The following FBN1 variants were observed in gnomAD, a reference collection of about 807,000 sequenced individuals.
FBN1 encodes fibrillin 1, also known as fibrillin-1.
In FBN1, 29 loss-of-function variants were observed where a neutral mutation model predicts 365.1. That is an observed-to-expected ratio of 0.08 (90% CI 0.06 to 0.11). The LOEUF is 0.11. Among genes scored for constraint, FBN1 ranks in the 10% least tolerant of loss-of-function variants. The pLI is 1.00. For missense variants in FBN1, 2,476 were observed against 3,703.2 expected (o/e 0.67, Z 8.60); for synonymous variants, 1,210 against 1,270.5 (o/e 0.95, Z 1.01).
At chr15:48,414,099 C>T (rs1468067601) in intron 64 of FBN1, among the ~76,000 whole-genome samples, 4 of 152,122 alleles carry the variant, frequency 2.6e-5, no homozygotes, top group Non-Finnish European at 4.4e-5. Flanking sequence ...TTTCATATCC[C>T]GGGAGCACCA....
chr15:48,445,185 TATATATATATAC>T (rs1566898338), intron 48 of FBN1, among the ~76,000 whole-genome samples, 179 bp downstream of exon 48: 2 of 139,006 alleles, frequency 1.4e-5, no homozygotes, highest in Non-Finnish European at 3.1e-5. Context: ...TATATATATG[TATATATATATAC>T]ATATATATAT....
chr15:48,436,008 G>T (rs2043069592), intron 53 of FBN1, among the ~76,000 whole-genome samples: 1 of 151,976 alleles, frequency 6.6e-6, no homozygotes, highest in Non-Finnish European at 1.5e-5. Context: ...CAAAAGTAAA[G>T]GCAAGAGGCT....
Position 48,427,689 on chromosome 15 carries a change from G to A in FBN1, c.7082C>T (p.Ser2361Leu), listed in dbSNP as rs397515844. 26 of 1,613,976 alleles carry A rather than the reference G, an allele frequency of 1.6e-5. No homozygotes were observed. Among genetic ancestry groups the A allele is most frequent in the African/African-American group, 2.7e-5 (2 of 74,920 alleles). The change falls in exon 58 of 66, where the codon TCG becomes TTG. Residue 2361 changes from serine (S) to leucine (L), a missense_variant. Transcript: ENST00000316623. ...GSSNRNPVTK[S>L]ECCCDGGRGW... ...TCTCCCTCCGTCACAGCAGCATTCC[G>A]ATTTGGTGACGGGGTTCCTGTTGCT...
At chr15:48,495,349 A>C in intron 21 of FBN1, 89 bp from the exon 22 acceptor site, 1 of 1,595,500 alleles carries the variant, frequency 6.3e-7, no homozygotes, top group Non-Finnish European at 8.6e-7. Flanking sequence ...CATTTGAAAC[A>C]AGGAATAATG....
At chr15:48,549,336 C>G (rs948527026) in intron 6 of FBN1, among the ~76,000 whole-genome samples, 2 of 152,340 alleles carry the variant, frequency 1.3e-5, no homozygotes, top group East Asian at 3.9e-4. Flanking sequence ...TTCACCTCTG[C>G]AGCTGGCTAG....
Position 48,408,946 on chromosome 15 carries a change from G to A in FBN1, c.*2044C>T, listed in dbSNP as rs561911965. On this transcript the variant is annotated 3_prime_UTR_variant, in exon 66 of 66. Coordinates refer to ENST00000316623, the MANE Select transcript of FBN1 (RefSeq NM_000138.5). ...GTTTACCATATGCTATATATTCTTC[G>A]ATAACAATTTTAATACACCTCTATC... The A allele has an allele frequency of 9.2e-5, 14 of 152,226 alleles. No homozygotes were observed. The highest frequency in any genetic ancestry group is 3.4e-4 in the African/African-American group (14 of 41,514). The allele number at this position is 152,226 out of a possible 1,614,324, so 9.4% of individuals were successfully genotyped here.
chr15:48,516,289 G>A lies in FBN1; in HGVS notation c.1221C>T (p.Gly407=). 1.2e-6 allele frequency: 2 copies of A among 1,613,582 alleles called. No individual in the cohort carries two copies. The highest frequency in any genetic ancestry group is 1.1e-5 in the South Asian group (1 of 91,062). The part of the protein sequence containing the change: ...GRPEYPPPPL[G]PIPPVLPVPP... Reference sequence around the variant, plus strand: ...GAACAGGGAGAACTGGAGGAATGGGGCCAAGGGGTGGGGGAGGATATTCTG... The same window carrying A: ...GAACAGGGAGAACTGGAGGAATGGGACCAAGGGGTGGGGGAGGATATTCTG... The change falls in exon 11 of 66, where the codon GGC becomes GGT. Residue 407 remains glycine, a synonymous_variant. Transcript: ENST00000316623.
At chr15:48,601,749 G>A (rs1381038353) in intron 4 of FBN1, among the ~76,000 whole-genome samples, 2 of 152,214 alleles carry the variant, frequency 1.3e-5, no homozygotes, top group East Asian at 1.9e-4. Flanking sequence ...GAAGGAAAGT[G>A]CAGAACCCAC....
Position 48,409,993 on chromosome 15 carries a change from T to C in FBN1, c.*997A>G, listed in dbSNP as rs2042847395. ...GCCATAAGTAAGAGACCCAGGATAA[T>C]TTAAATCCAGGAGACTTTATTTAGC... On this transcript the variant is annotated 3_prime_UTR_variant, in exon 66 of 66. Coordinates refer to ENST00000316623, the MANE Select transcript of FBN1 (RefSeq NM_000138.5). 6.6e-6 allele frequency: 1 copy of C among 152,604 alleles called. No homozygotes were observed. The highest frequency in any genetic ancestry group is 1.5e-5 in the Non-Finnish European group (1 of 68,042). 9.5% of individuals were successfully genotyped at this position (152,604 alleles called of 1,614,324 possible).
At chr15:48,607,109 T>C (rs1227948650) in intron 4 of FBN1, among the ~76,000 whole-genome samples, 1 of 152,178 alleles carries the variant, frequency 6.6e-6, no homozygotes, top group Non-Finnish European at 1.5e-5. Flanking sequence ...TATACTGTTA[T>C]AGCAGCAGAA....
rs74728811 is a variant in FBN1 at position 48,603,234 on chromosome 15, T to C, written c.347-3000A>G. Among the ~76,000 whole-genome samples, 2,524 of 152,284 alleles carry C rather than the reference T, an allele frequency of 0.017. 205 individuals are homozygous for C. In the East Asian group the frequency reaches 0.24, roughly 14 times the overall value. The stretch of plus-strand genomic sequence containing the variant: ...TTCTTTCTTTAAAAAATAAAAGCAC[T>C]CATTCAGACTTGTGAAACAAGAAGA... On this transcript the variant is annotated intron_variant, in intron 4 of 65. Coordinates refer to ENST00000316623, the MANE Select transcript of FBN1 (RefSeq NM_000138.5).
chr15:48,456,386 G>A lies in FBN1; in HGVS notation c.5422+251C>T, dbSNP rs534619157. Reference sequence around the variant, plus strand: ...AACTCAAAGCTTTTTCATATCAGCTGGGAAGTCTAATATTAACACACTGTG... The same window carrying A: ...AACTCAAAGCTTTTTCATATCAGCTAGGAAGTCTAATATTAACACACTGTG... On this transcript the variant is annotated intron_variant, in intron 44 of 65. Transcript: ENST00000316623. 4.7e-4 allele frequency among the ~76,000 whole-genome samples: 71 copies of A among 152,238 alleles called. 1 individual carries two copies. The highest frequency in any genetic ancestry group is 1.3e-3 in the African/African-American group (55 of 41,540).
intron 6 of FBN1, among the ~76,000 whole-genome samples, chr15:48,545,479 A>C (rs936178554): frequency 6.6e-6 from 1 of 152,210 alleles, no homozygotes; most frequent in Non-Finnish European, 1.5e-5. Context: ...ATAAAATATC[A>C]ATCGATTGCA....
In FBN1 at chr15:48,481,688, A is replaced by T. The variant is rs1406315227; in HGVS notation, c.3931T>A (p.Tyr1311Asn). The change falls in exon 32 of 66, where the codon TAC becomes AAC. Residue 1311 changes from tyrosine to asparagine, a missense_variant. Tyr to Asn is a moderately radical substitution (Grantham distance 143). Transcript: ENST00000316623. Reference protein sequence around the residue: ...GSFICHCDMGYSGKKGKTGCT... With the variant: ...GSFICHCDMGNSGKKGKTGCT... ...CCAGTTTTTCCTTTTTTGCCGGAGTAGCCCATATCACAGTGGCAGATAAAT... is the reference window on the plus strand; with the variant it reads ...CCAGTTTTTCCTTTTTTGCCGGAGTTGCCCATATCACAGTGGCAGATAAAT... 5 of 1,613,744 alleles carry T rather than the reference A, an allele frequency of 3.1e-6. No homozygotes were observed. Among genetic ancestry groups the T allele is most frequent in the Non-Finnish European group, 4.2e-6 (5 of 1,179,794 alleles).
At position 48,515,370 on chromosome 15, in the gene FBN1, T is replaced by G; in HGVS notation, c.1468+17A>C. 1 of 1,613,692 alleles carries G rather than the reference T, an allele frequency of 6.2e-7. No homozygotes were observed. Among genetic ancestry groups the G allele is most frequent in the Non-Finnish European group, 8.5e-7 (1 of 1,179,738 alleles). The stretch of plus-strand genomic sequence containing the variant: ...TTACAACAGACCCTTGGTGCCAACC[T>G]AGGATGGATCACGTACCAATACACT... On this transcript the variant is annotated intron_variant, in intron 12 of 65. Coordinates refer to ENST00000316623, the MANE Select transcript of FBN1 (RefSeq NM_000138.5).
At chr15:48,491,610 C>T (rs1044996374) in intron 24 of FBN1, among the ~76,000 whole-genome samples, 3 of 152,216 alleles carry the variant, frequency 2.0e-5, no homozygotes, top group Admixed American at 6.5e-5. Context: ...CTCGGCCTCC[C>T]GAAGTGCTGG....
chr15:48,585,224 A>G (rs1376081886), intron 6 of FBN1, among the ~76,000 whole-genome samples: 2 of 152,232 alleles, frequency 1.3e-5, no homozygotes, highest in African/African-American at 4.8e-5. Context: ...AGGCAACAAG[A>G]TAAGGGCTCT....
At chr15:48,574,897 TTGA>T (rs1231634696) in intron 6 of FBN1, among the ~76,000 whole-genome samples, 1 of 152,232 alleles carries the variant, frequency 6.6e-6, no homozygotes, top group Non-Finnish European at 1.5e-5. Context: ...AGAACAAATA[TTGA>T]TGATGACTGC....
At chr15:48,472,798 C>T in intron 34 of FBN1, 122 bp from the exon 35 acceptor site, 1 of 1,356,818 alleles carries the variant, frequency 7.4e-7, no homozygotes. Context: ...CATTTAAAGT[C>T]ATTTATTTTT....
Sources: gnomAD v4.1 joint callset for allele counts (sites outside exome capture counted in the v4.1 genomes callset) on GRCh38, gnomAD v4.1.1 for gene constraint, MANE v1.5 for transcripts, NCBI Gene and HGNC (gene_info 2026-07-23, HGNC 2026-07-21) for gene names.